CEP128: variants seen among roughly 807,000 people sequenced by gnomAD.
CEP128 encodes centrosomal protein 128kDa.
CEP128 carries 132 observed loss-of-function variants against 156.7 expected under a neutral mutation model. The ratio of observed to expected loss-of-function variants is 0.84; its 90% CI spans 0.73 to 0.97. CEP128 has a LOEUF of 0.97. Ranked by LOEUF, CEP128 falls within the 50% of genes least tolerant of loss-of-function variation. CEP128 has a pLI of 0.00. For synonymous variants in CEP128, 469 were observed against 448.9 expected, an observed-to-expected ratio of 1.04 and a Z score of -0.57; for missense variants, 1,252 against 1,281.9, an observed-to-expected ratio of 0.98 and a Z score of 0.36.
At chr14:80,779,556 T>C (rs891179090) in intron 15 of CEP128, among the ~76,000 whole-genome samples, 2 of 152,220 alleles carry the variant, frequency 1.3e-5, no homozygotes, top group African/African-American at 4.8e-5. Context: ...AAGTCTGTAG[T>C]GTGCTGCAGC....
At chr14:80,738,564 C>G (rs891495039) in intron 19 of CEP128, among the ~76,000 whole-genome samples, 1 of 152,094 alleles carries the variant, frequency 6.6e-6, no homozygotes, top group South Asian at 2.1e-4. Context: ...CTAAGTCATA[C>G]AGTTTCAATT....
chr14:80,889,736 A>G (rs1442052135), intron 8 of CEP128, among the ~76,000 whole-genome samples: 2 of 152,224 alleles, frequency 1.3e-5, no homozygotes, highest in African/African-American at 4.8e-5. Flanking sequence ...CATGACTAAA[A>G]CACCAAAAGC....
downstream of CEP128, among the ~76,000 whole-genome samples, chr14:80,489,145 AAGAG>A (rs1203389003): frequency 2.0e-5 from 3 of 151,880 alleles, no homozygotes; most frequent in South Asian, 2.1e-4. Context: ...AATAAAAAAA[AAGAG>A]AGAGAGAAGA....
intron 8 of CEP128, among the ~76,000 whole-genome samples, chr14:80,885,316 C>T (rs553016570): frequency 1.6e-4 from 25 of 152,188 alleles, no homozygotes; most frequent in Non-Finnish European, 3.5e-4. Context: ...GCCTGACCCC[C>T]GTGCCCTCTG....
intron 19 of CEP128, among the ~76,000 whole-genome samples, chr14:80,691,587 T>C (rs1566859791): frequency 1.3e-5 from 2 of 152,170 alleles, no homozygotes; most frequent in Non-Finnish European, 2.9e-5. Flanking sequence ...TAGACTTTCC[T>C]AGATTTATAA....
intron 24 of CEP128, among the ~76,000 whole-genome samples, chr14:80,503,787 T>C (rs1417293059): frequency 6.6e-6 from 1 of 152,202 alleles, no homozygotes; most frequent in East Asian, 1.9e-4. Flanking sequence ...TCTTGGCTTA[T>C]GTAGATACAA....
intron 12 of CEP128, 59 bp downstream of exon 12, chr14:80,836,146 G>A: frequency 1.3e-6 from 2 of 1,552,390 alleles, no homozygotes; most frequent in South Asian, 1.2e-5. Context: ...TATTTTCTAA[G>A]AAAAACCAAA....
intron 19 of CEP128, among the ~76,000 whole-genome samples, chr14:80,582,920 T>C (rs1460820779): frequency 6.6e-6 from 1 of 152,148 alleles, no homozygotes; most frequent in Non-Finnish European, 1.5e-5. Context: ...TGATACATAG[T>C]GGGGTTCATC....
chr14:80,811,143 A>T (rs1884509479), intron 13 of CEP128, among the ~76,000 whole-genome samples: 1 of 152,158 alleles, frequency 6.6e-6, no homozygotes, highest in Non-Finnish European at 1.5e-5. Flanking sequence ...GCTGCATCAT[A>T]TTCCATGGTA....
rs151278983 is a variant in CEP128, at chr14:80,687,022, G to T, written c.2806+56053C>A. Reference sequence around the variant, plus strand: ...TTTTAACACCCCACTGTCAATATTAGACAGATCATCAAGATAGAATTAACA... The same window carrying T: ...TTTTAACACCCCACTGTCAATATTATACAGATCATCAAGATAGAATTAACA... On this transcript the variant is annotated intron_variant, in intron 19 of 24. Transcript: ENST00000555265. Among the ~76,000 whole-genome samples the T allele has an allele frequency of 2.6e-3, 402 of 152,222 alleles. 2 individuals are homozygous for T. Among genetic ancestry groups the T allele is most frequent in the African/African-American group, 9.1e-3 (380 of 41,558 alleles).
intron 19 of CEP128, among the ~76,000 whole-genome samples, chr14:80,676,957 C>G (rs1566850152): frequency 6.6e-6 from 1 of 152,128 alleles, no homozygotes; most frequent in South Asian, 2.1e-4. Flanking sequence ...AAAATGCTCA[C>G]TTCTTGTACT....
At chr14:80,828,368 C>T (rs931089659) in intron 13 of CEP128, among the ~76,000 whole-genome samples, 1 of 152,124 alleles carries the variant, frequency 6.6e-6, no homozygotes, top group African/African-American at 2.4e-5. Context: ...AGTGATCCGC[C>T]TGCCTTGGCC....
intron 14 of CEP128, among the ~76,000 whole-genome samples, chr14:80,478,752 C>A (rs542633251): frequency 6.6e-6 from 1 of 152,282 alleles, no homozygotes; most frequent in South Asian, 2.1e-4. Flanking sequence ...TATCAACATC[C>A]CCTTCTCTGA....
At chr14:80,904,683 G>T in intron 6 of CEP128, 130 bp downstream of exon 6, 1 of 595,472 alleles carries the variant, frequency 1.7e-6, no homozygotes, top group Non-Finnish European at 3.0e-6. Flanking sequence ...CAAAAAAAGG[G>T]ATCAGTATAA....
intron 19 of CEP128, among the ~76,000 whole-genome samples, chr14:80,633,904 T>C (rs1894070969): frequency 6.6e-6 from 1 of 152,182 alleles, no homozygotes; most frequent in Admixed American, 6.5e-5. Flanking sequence ...CCACAATGAA[T>C]TCATCAAGAG....
At chr14:80,582,919 G>T (rs1392532132) in intron 19 of CEP128, among the ~76,000 whole-genome samples, 1 of 152,148 alleles carries the variant, frequency 6.6e-6, no homozygotes, top group Non-Finnish European at 1.5e-5. Flanking sequence ...GTGATACATA[G>T]TGGGGTTCAT....
At chr14:80,761,858 C>T (rs958165009) in intron 16 of CEP128, among the ~76,000 whole-genome samples, 1 of 151,982 alleles carries the variant, frequency 6.6e-6, no homozygotes, top group Non-Finnish European at 1.5e-5. Flanking sequence ...TATAATAAGT[C>T]CCTAACCAAA....
intron 19 of CEP128, among the ~76,000 whole-genome samples, chr14:80,587,431 G>C (rs934401751): frequency 1.3e-5 from 2 of 152,082 alleles, no homozygotes; most frequent in Admixed American, 6.6e-5. Flanking sequence ...GTCTGTCTTG[G>C]GTATGTGGTA....
At chr14:80,816,169 T>C (rs1246657805) in intron 13 of CEP128, among the ~76,000 whole-genome samples, 1 of 152,212 alleles carries the variant, frequency 6.6e-6, no homozygotes, top group African/African-American at 2.4e-5. Context: ...AATCAGTATC[T>C]ATGGCATCTG....
Sources: allele counts gnomAD v4.1 joint callset (sites outside exome capture counted in the v4.1 genomes callset), GRCh38; gene constraint gnomAD v4.1.1; transcripts MANE v1.5; gene names NCBI Gene and HGNC (gene_info 2026-07-23, HGNC 2026-07-21).